The following NOP58 variants were observed in gnomAD, a reference collection of about 807,000 sequenced individuals.
NOP58 encodes the protein nucleolar protein 58.
In NOP58, 44 loss-of-function variants were observed where a neutral mutation model predicts 71.2. That is an observed-to-expected ratio of 0.62 (90% CI 0.49 to 0.79). The LOEUF (loss-of-function observed/expected upper bound fraction) is 0.79. NOP58 is among the 30% of genes least tolerant of loss of function. The probability of loss-of-function intolerance (pLI) is 0.00; values close to 1 mark genes in which losing one functional copy is unlikely to be tolerated. For missense variants in NOP58, 538 were observed against 620.2 expected (o/e 0.87, Z 1.41); for synonymous variants, 228 against 200.3 (o/e 1.14, Z -1.17).
intron 6 of NOP58, among the ~76,000 whole-genome samples, chr2:202,289,471 G>A (rs972861990): frequency 6.6e-6 from 1 of 152,172 alleles, no homozygotes; most frequent in African/African-American, 2.4e-5. Flanking sequence ...TCAAGGTTTT[G>A]TATATAAGGT....
In NOP58 at chr2:202,300,354, G is replaced by A. The variant is rs1689071077; in HGVS notation, c.1389G>A (p.Lys463=). The A allele has an allele frequency of 1.3e-6, 2 of 1,585,608 alleles. No homozygotes were observed. The highest frequency in any genetic ancestry group is 1.2e-5 in the South Asian group (1 of 85,308). The change falls in exon 13 of 15, where the codon AAG becomes AAA. Residue 463 remains lysine, a synonymous_variant. Coordinates refer to ENST00000264279, the MANE Select transcript of NOP58 (RefSeq NM_015934.5). ...CTGAAAAGAAAGCCAAAAAAGCCAA[G>A]ATTAAAGTTAAAGGTTAGTTTGAAT... ...EITEKKAKKA[K]IKVKVEEEEE...
At chr2:202,284,010 G>A (rs1688750428) in intron 4 of NOP58, among the ~76,000 whole-genome samples, 2 of 151,992 alleles carry the variant, frequency 1.3e-5, no homozygotes, top group Admixed American at 6.6e-5. Context: ...GGCTGGGCGC[G>A]GTGGCTCATG....
chr2:202,293,444 A>AGG (rs1559265820), intron 9 of NOP58, among the ~76,000 whole-genome samples: 3 of 152,270 alleles, frequency 2.0e-5, no homozygotes, highest in African/African-American at 7.2e-5. Context: ...ATGATATGCT[A>AGG]TAATTAAAAT....
At chr2:202,297,258 C>T (rs1221007300) in intron 10 of NOP58, 121 bp from the exon 11 acceptor site, 7 of 869,222 alleles carry the variant, frequency 8.1e-6, no homozygotes, top group African/African-American at 3.4e-5. Context: ...GGTTGAAATA[C>T]GATGGATGAT....
chr2:202,267,783 T>TA (rs1344870641), intron 1 of NOP58, among the ~76,000 whole-genome samples: 1 of 152,210 alleles, frequency 6.6e-6, no homozygotes, highest in Non-Finnish European at 1.5e-5. Flanking sequence ...ACCTGGGTCC[T>TA]AAAATACTCA....
At chr2:202,277,862 A>T in intron 2 of NOP58, 88 bp from the exon 3 acceptor site, 1 of 723,378 alleles carries the variant, frequency 1.4e-6, no homozygotes, top group Non-Finnish European at 2.5e-6. Flanking sequence ...CTTTGGAAAC[A>T]GTCAAGCACT....
chr2:202,299,228 G>A (rs1404046627), intron 12 of NOP58, among the ~76,000 whole-genome samples: 11 of 152,092 alleles, frequency 7.2e-5, no homozygotes, highest in African/African-American at 2.7e-4. Flanking sequence ...AAAGTGCTGG[G>A]ATTACAGGCG....
At chr2:202,300,704 TG>T (rs1284996631) in intron 13 of NOP58, among the ~76,000 whole-genome samples, 6 of 152,236 alleles carry the variant, frequency 3.9e-5, no homozygotes, top group Non-Finnish European at 8.8e-5. Flanking sequence ...TAGTTAAGAA[TG>T]AATACAGAAT....
At chr2:202,278,420 T>C in intron 3 of NOP58, 1 of 358,902 alleles carries the variant, frequency 2.8e-6, no homozygotes. Flanking sequence ...AGTTGAAAAA[T>C]AATTTAAAAA....
At position 202,277,941 on chromosome 2, in the gene NOP58, TA is replaced by T; in HGVS notation, c.123-7del. On this transcript the variant is annotated splice_polypyrimidine_tract_variant and splice_region_variant and intron_variant, in intron 2 of 14. Coordinates refer to ENST00000264279, the MANE Select transcript of NOP58 (RefSeq NM_015934.5). Reference sequence around the variant, plus strand: ...ATAACATGTTTATCTCTTTTTTTTTTAATTCTAGAGTAAAGCTAAAACATTT... The same window carrying T: ...ATAACATGTTTATCTCTTTTTTTTTTATTCTAGAGTAAAGCTAAAACATTT... 2.8e-6 allele frequency: 4 copies of T among 1,410,340 alleles called. No individual in the cohort carries two copies. The highest frequency in any genetic ancestry group is 3.9e-6 in the Non-Finnish European group (4 of 1,012,732). 87.4% of individuals were successfully genotyped at this position (1,410,340 alleles called of 1,614,324 possible). A position where few individuals can be genotyped will look rare whatever the true frequency, so the allele number is the denominator to read the frequency against.
At chr2:202,302,751 G>A (rs1049504445) in intron 13 of NOP58, among the ~76,000 whole-genome samples, 170 bp from the exon 14 acceptor site, 1 of 152,092 alleles carries the variant, frequency 6.6e-6, no homozygotes, top group African/African-American at 2.4e-5. Flanking sequence ...TATATCATTC[G>A]TTAAAGTTAG....
Position 202,291,200 on chromosome 2 carries a change from C to T in NOP58, c.710C>T (p.Ala237Val). ...GAAGTTGAAGCAGAAGTGAAAGCAG[C>T]TGCAGAGATATCAATGGGAACAGAG... ...PEEVEAEVKAAAEISMGTEVS... is the reference protein window; with the variant it reads ...PEEVEAEVKAVAEISMGTEVS... Residue 237 changes from alanine to valine, a missense_variant, in exon 8 of 15, where the codon GCT becomes GTT. By Grantham distance (64) the Ala-to-Val change is moderately conservative (BLOSUM62 0). Transcript: ENST00000264279. 1 of 1,612,898 alleles carries T rather than the reference C, an allele frequency of 6.2e-7. No homozygotes were observed. The highest frequency in any genetic ancestry group is 1.1e-5 in the South Asian group (1 of 90,830).
intron 3 of NOP58, among the ~76,000 whole-genome samples, chr2:202,281,057 T>C (rs1361569496): frequency 5.9e-5 from 9 of 152,094 alleles, no homozygotes; most frequent in Admixed American, 2.6e-4. Flanking sequence ...ACCTGACTTA[T>C]TAAGCACAAA....
intron 1 of NOP58, among the ~76,000 whole-genome samples, chr2:202,267,555 C>T (rs1019445807): frequency 2.6e-5 from 4 of 152,172 alleles, no homozygotes; most frequent in Non-Finnish European, 5.9e-5. Context: ...TTACTTTTCT[C>T]CAGCTTTTTG....
At chr2:202,269,039 G>A (rs1399429721) in intron 1 of NOP58, among the ~76,000 whole-genome samples, 1 of 152,106 alleles carries the variant, frequency 6.6e-6, no homozygotes, top group Non-Finnish European at 1.5e-5. Flanking sequence ...ACCCAGGCTG[G>A]GGTGCAGTGG....
chr2:202,303,395 A>G lies in NOP58; in HGVS notation c.1549A>G (p.Lys517Glu). 4 of 1,612,574 alleles carry G rather than the reference A, an allele frequency of 2.5e-6. No individual in the cohort carries two copies. The highest frequency in any genetic ancestry group is 3.4e-6 in the Non-Finnish European group (4 of 1,179,040). ...CTSTAIASPE[K>E]KKKKKKKREN... ...TGTTGGCTATTTTCAGAGTCCAGAG[A>G]AAAAGAAGAAAAAGAAAAAAAAGAG... is the stretch of plus-strand genomic sequence containing the variant. Residue 517 changes from lysine (K) to glutamate (E), a missense_variant, in exon 15 of 15, where the codon AAA becomes GAA. By Grantham distance (56) the Lys-to-Glu change is moderately conservative (BLOSUM62 1). Coordinates refer to ENST00000264279, the MANE Select transcript of NOP58 (RefSeq NM_015934.5).
intron 3 of NOP58, among the ~76,000 whole-genome samples, chr2:202,281,345 G>A (rs570462985): frequency 4.6e-5 from 7 of 151,630 alleles, no homozygotes; most frequent in South Asian, 4.2e-4. Flanking sequence ...CTGGTCTCTC[G>A]AACTCCTGAC....
chr2:202,289,938 G>A (rs1195052243), intron 6 of NOP58, among the ~76,000 whole-genome samples: 1 of 151,958 alleles, frequency 6.6e-6, no homozygotes, highest in Non-Finnish European at 1.5e-5. Flanking sequence ...AATGGTTGAA[G>A]TGTTATTTTT....
chr2:202,298,337 C>T (rs60103442), intron 12 of NOP58, among the ~76,000 whole-genome samples: 12,390 of 152,072 alleles, frequency 0.081, 1,688 homozygotes, highest in African/African-American at 0.28. Context: ...TAAAGTTCCT[C>T]TATAATATGT....
Sources: allele counts gnomAD v4.1 joint callset (sites outside exome capture counted in the v4.1 genomes callset), GRCh38; gene constraint gnomAD v4.1.1; transcripts MANE v1.5; gene names NCBI Gene and HGNC (gene_info 2026-07-23, HGNC 2026-07-21).